SPAG16: variants seen among roughly 807,000 people sequenced by gnomAD.
SPAG16 encodes sperm associated antigen 16, also known as sperm-associated antigen 16 protein.
In SPAG16, 86 loss-of-function variants were observed where a neutral mutation model predicts 80.4. The ratio of observed to expected loss-of-function variants is 1.07; its 90% CI spans 0.90 to 1.28. The LOEUF is 1.28. Among genes scored for constraint, SPAG16 ranks in the 50% most tolerant of loss-of-function variants. The pLI is 0.00. For synonymous variants in SPAG16, 294 were observed against 265.9 expected (o/e 1.11, Z -1.03); for missense variants, 870 against 765.3 (o/e 1.14, Z -1.61).
chr2:213,843,785 A>C (rs886367626), intron 10 of SPAG16, among the ~76,000 whole-genome samples: 2 of 152,124 alleles, frequency 1.3e-5, no homozygotes, highest in Non-Finnish European at 2.9e-5. Context: ...CAGGAGGCGG[A>C]GGTTGCAGTA....
At chr2:214,268,744 G>GCT (rs1691773542) in intron 15 of SPAG16, among the ~76,000 whole-genome samples, 1 of 150,042 alleles carries the variant, frequency 6.7e-6, no homozygotes, top group Admixed American at 6.7e-5. Context: ...GCATCTGAAG[G>GCT]GTGTGTGTGT....
At chr2:214,211,049 A>C (rs1019613029) in intron 15 of SPAG16, among the ~76,000 whole-genome samples, 5 of 152,206 alleles carry the variant, frequency 3.3e-5, no homozygotes, top group Admixed American at 1.3e-4. Flanking sequence ...TAATGACTGC[A>C]TGGATGATAA....
chr2:214,189,560 T>A (rs1440038023), intron 15 of SPAG16, among the ~76,000 whole-genome samples: 1 of 152,072 alleles, frequency 6.6e-6, no homozygotes, highest in Non-Finnish European at 1.5e-5. Flanking sequence ...GGGCTTGAAT[T>A]GGGAGAATTT....
intron 10 of SPAG16, among the ~76,000 whole-genome samples, chr2:213,660,182 A>G (rs758725052): frequency 5.9e-5 from 9 of 152,222 alleles, no homozygotes; most frequent in Non-Finnish European, 1.0e-4. Context: ...ATAGTTAGAC[A>G]TAAGAGTTAT....
intron 9 of SPAG16, among the ~76,000 whole-genome samples, chr2:213,446,373 C>T (rs2071310692): frequency 6.6e-6 from 1 of 152,090 alleles, no homozygotes; most frequent in Non-Finnish European, 1.5e-5. Context: ...TTAAAGATGG[C>T]ATAGCCATTT....
intron 15 of SPAG16, among the ~76,000 whole-genome samples, chr2:214,206,848 T>TCAAAA (rs2058157897): frequency 6.6e-6 from 1 of 152,194 alleles, no homozygotes; most frequent in South Asian, 2.1e-4. Context: ...TGAGATAATA[T>TCAAAA]CTCATTGTAG....
chr2:214,030,003 C>A (rs1008123713), intron 13 of SPAG16, among the ~76,000 whole-genome samples: 1 of 152,066 alleles, frequency 6.6e-6, no homozygotes, highest in African/African-American at 2.4e-5. Context: ...AACATGAGAT[C>A]TAGTCTCTCA....
At chr2:213,929,898 C>A in intron 11 of SPAG16, 62 bp from the exon 12 acceptor site, 1 of 1,414,684 alleles carries the variant, frequency 7.1e-7, no homozygotes, top group South Asian at 1.3e-5. Context: ...TCATAGAATG[C>A]AGTATTCATA....
intron 5 of SPAG16, among the ~76,000 whole-genome samples, chr2:213,336,521 C>T (rs550133960): frequency 4.8e-4 from 73 of 152,310 alleles, no homozygotes; most frequent in African/African-American, 1.3e-3. Context: ...ACCATCACTG[C>T]GGCTCCAGTT....
At chr2:214,013,875 CTTAAA>C (rs1452108076) in intron 12 of SPAG16, 71 bp from the exon 13 acceptor site, 3 of 1,414,550 alleles carry the variant, frequency 2.1e-6, no homozygotes, top group African/African-American at 2.9e-5. Flanking sequence ...GCCTCAGTTC[CTTAAA>C]TTATTTTTAT....
intron 11 of SPAG16, among the ~76,000 whole-genome samples, chr2:213,922,094 T>G (rs368283023): frequency 5.9e-5 from 9 of 152,338 alleles, no homozygotes; most frequent in South Asian, 2.1e-4. Flanking sequence ...AAAGTTTTCA[T>G]GTACAATATC....
At chr2:213,726,201 G>A (rs763272048) in intron 10 of SPAG16, among the ~76,000 whole-genome samples, 1 of 152,194 alleles carries the variant, frequency 6.6e-6, no homozygotes, top group Non-Finnish European at 1.5e-5. Flanking sequence ...ACCCTCAGTC[G>A]GTGACTGGCA....
chr2:213,762,326 C>A (rs763377476), intron 10 of SPAG16, among the ~76,000 whole-genome samples: 3 of 152,074 alleles, frequency 2.0e-5, no homozygotes, highest in Non-Finnish European at 4.4e-5. Flanking sequence ...CATTTAATAG[C>A]ACTGAACTGT....
At chr2:213,554,153 A>G (rs776327299) in intron 10 of SPAG16, among the ~76,000 whole-genome samples, 1 of 152,212 alleles carries the variant, frequency 6.6e-6, no homozygotes, top group East Asian at 1.9e-4. Context: ...TGAGAAAAGG[A>G]GGTCATGAGG....
At chr2:213,608,581 CAT>C (rs1374078529) in intron 10 of SPAG16, among the ~76,000 whole-genome samples, 1 of 152,198 alleles carries the variant, frequency 6.6e-6, no homozygotes, top group Non-Finnish European at 1.5e-5. Flanking sequence ...CATTGTTGGA[CAT>C]TTGGGTTGGT....
rs553204447 is a variant in SPAG16, at chr2:214,116,156, AT to A, written c.1593+7898del. Among the ~76,000 whole-genome samples, 344 of 152,286 alleles carry A rather than the reference AT, an allele frequency of 2.3e-3. 1 individual carries two copies. The highest frequency in any genetic ancestry group is 4.2e-3 in the Non-Finnish European group (289 of 68,018). ...TTGGCCTTAAACCTGTGCCAAAACC[AT>A]TTGCCCAGGCATCCAAGAGGAACCA... On this transcript the variant is annotated intron_variant, in intron 14 of 15. Coordinates refer to ENST00000331683, the MANE Select transcript of SPAG16 (RefSeq NM_024532.5).
intron 11 of SPAG16, among the ~76,000 whole-genome samples, chr2:213,916,427 C>A (rs1004710728): frequency 6.6e-6 from 1 of 152,022 alleles, no homozygotes; most frequent in Non-Finnish European, 1.5e-5. Context: ...TGGTTGTAGA[C>A]GTGTGGCATT....
rs551269991 is a variant in SPAG16, at chr2:214,301,119, T to C, written c.1721-109021T>C. Among the ~76,000 whole-genome samples the C allele has an allele frequency of 1.1e-3, 171 of 150,172 alleles. 1 individual carries two copies. Among genetic ancestry groups the C allele is most frequent in the African/African-American group, 4.0e-3 (166 of 41,198 alleles). On this transcript the variant is annotated intron_variant, in intron 15 of 15. Coordinates refer to ENST00000331683, the MANE Select transcript of SPAG16 (RefSeq NM_024532.5). ...ACATCAAAAAGAAAATATATCATGATCACACGGGTTTTAGTGCAGGGATCC... is the reference window on the plus strand; with the variant it reads ...ACATCAAAAAGAAAATATATCATGACCACACGGGTTTTAGTGCAGGGATCC...
intron 9 of SPAG16, among the ~76,000 whole-genome samples, chr2:213,402,024 C>T (rs2068335573): frequency 1.3e-5 from 2 of 151,878 alleles, no homozygotes; most frequent in African/African-American, 4.8e-5. Flanking sequence ...TATAATGAAA[C>T]ATTATTATTT....
Sources: allele counts gnomAD v4.1 joint callset (sites outside exome capture counted in the v4.1 genomes callset), GRCh38; gene constraint gnomAD v4.1.1; transcripts MANE v1.5; gene names NCBI Gene and HGNC (gene_info 2026-07-23, HGNC 2026-07-21).